GSG1L: variants seen among roughly 807,000 people sequenced by gnomAD.
GSG1L encodes the protein germ cell-specific gene 1-like protein.
GSG1L carries 24 observed loss-of-function variants against 42.1 expected under a neutral mutation model. The ratio of observed to expected loss-of-function variants is 0.57; its 90% CI spans 0.41 to 0.80. The LOEUF (loss-of-function observed/expected upper bound fraction) is 0.80. Ranked by LOEUF, GSG1L falls within the 30% of genes least tolerant of loss-of-function variation. GSG1L has a pLI of 0.00. For synonymous variants in GSG1L, 215 were observed against 203.5 expected, an observed-to-expected ratio of 1.06 and a Z score of -0.48; for missense variants, 445 against 472.2, an observed-to-expected ratio of 0.94 and a Z score of 0.53.
intron 1 of GSG1L, among the ~76,000 whole-genome samples, chr16:28,062,471 C>T (rs771994425): frequency 6.6e-6 from 1 of 152,194 alleles, no homozygotes; most frequent in Non-Finnish European, 1.5e-5. Context: ...GGCTCCCTGG[C>T]GTCTGGCAAT....
intron 1 of GSG1L, among the ~76,000 whole-genome samples, chr16:28,061,932 C>T (rs2086346384): frequency 6.6e-6 from 1 of 152,224 alleles, no homozygotes; most frequent in South Asian, 2.1e-4. Flanking sequence ...ACTGGGTTCG[C>T]TTCACAGCTT....
At position 27,884,430 on chromosome 16, in the gene GSG1L, G is replaced by A; in HGVS notation, c.550+56C>T. The A allele has an allele frequency of 6.5e-7, 1 of 1,542,902 alleles. No homozygotes were observed. The highest frequency in any genetic ancestry group is 8.8e-7 in the Non-Finnish European group (1 of 1,134,904). On this transcript the variant is annotated intron_variant, in intron 3 of 6. Transcript: ENST00000447459. This position sits in a 1 kb window ranked among gnomAD's most constrained non-coding sequence, Gnocchi z 4.4. ...TGGTACAACCAGGGCTTACTCCAAG[G>A]GCAGCACCCTTTCTCGCCTGTGCTC... is the stretch of plus-strand genomic sequence containing the variant.
At position 27,831,129 on chromosome 16, in the gene GSG1L, T is replaced by C. The variant is rs150285941; in HGVS notation, c.663-2173A>G. On this transcript the variant is annotated intron_variant, in intron 4 of 6. Coordinates refer to ENST00000447459, the MANE Select transcript of GSG1L (RefSeq NM_001109763.2). ...AACTCCTGGACTTGGCTGAAGCTAC[T>C]GGGAAACAAAGCTCATCTTTCTTCT... 7.2e-5 allele frequency among the ~76,000 whole-genome samples: 11 copies of C among 152,308 alleles called. No homozygotes were observed. In the East Asian group the frequency reaches 2.1e-3, roughly 29 times the overall value.
At chr16:27,914,600 T>C (rs911700688) in intron 2 of GSG1L, among the ~76,000 whole-genome samples, 1 of 150,888 alleles carries the variant, frequency 6.6e-6, no homozygotes, top group African/African-American at 2.4e-5. Context: ...CATGGCTCAC[T>C]GCAGCCTCGA....
intron 4 of GSG1L, among the ~76,000 whole-genome samples, chr16:27,837,360 G>C (rs2083332592): frequency 6.6e-6 from 1 of 151,894 alleles, no homozygotes. Context: ...AATTCAAGGT[G>C]AGATTTGTAC....
intron 2 of GSG1L, among the ~76,000 whole-genome samples, chr16:27,895,365 G>A (rs551646561): frequency 3.8e-4 from 58 of 152,100 alleles, no homozygotes; most frequent in African/African-American, 1.3e-3. Flanking sequence ...CCCTTCATGC[G>A]TCTTGCCGGG....
chr16:27,959,489 A>G (rs1439202651), intron 2 of GSG1L, among the ~76,000 whole-genome samples: 1 of 120,948 alleles, frequency 8.3e-6, no homozygotes, highest in Non-Finnish European at 1.7e-5. Flanking sequence ...AAGAGAGGAG[A>G]CGAGACAAGA....
intron 1 of GSG1L, among the ~76,000 whole-genome samples, chr16:27,997,856 C>CTTTTTTT (rs35354576): frequency 3.5e-5 from 3 of 85,100 alleles, no homozygotes; most frequent in Non-Finnish European, 6.5e-5. Flanking sequence ...ACCCTCTCCA[C>CTTTTTTT]TTTTTTTTTT....
rs571748065 is a variant in GSG1L, at chr16:27,957,577, A to G, written c.397+5579T>C. Reference sequence around the variant, plus strand: ...AATGAGAAATTATGCTACCCATCGAAGGTCTTGGGCTTGTAAGGGACAGAG... The same window carrying G: ...AATGAGAAATTATGCTACCCATCGAGGGTCTTGGGCTTGTAAGGGACAGAG... On this transcript the variant is annotated intron_variant, in intron 2 of 6. Transcript: ENST00000447459. 2.0e-5 allele frequency among the ~76,000 whole-genome samples: 3 copies of G among 152,272 alleles called. No homozygotes were observed. The South Asian group carries it at 6.2e-4, about 32-fold the overall frequency.
chr16:27,985,894 T>G (rs576492475), intron 1 of GSG1L, among the ~76,000 whole-genome samples: 6 of 152,240 alleles, frequency 3.9e-5, no homozygotes, highest in Admixed American at 1.3e-4. Context: ...ACACGACTCC[T>G]TGAGGAACAC....
At chr16:27,843,930 G>C (rs1305795839) in intron 4 of GSG1L, among the ~76,000 whole-genome samples, 1 of 152,172 alleles carries the variant, frequency 6.6e-6, no homozygotes, top group African/African-American at 2.4e-5. Context: ...TCTCCTACAA[G>C]GGAAGGAGAA....
At chr16:27,895,136 C>T (rs1596593917) in intron 2 of GSG1L, among the ~76,000 whole-genome samples, 1 of 152,290 alleles carries the variant, frequency 6.6e-6, no homozygotes, top group Middle Eastern at 3.4e-3. Flanking sequence ...ACAGAAATGT[C>T]TTGTTTGGCC....
chr16:27,939,874 C>A (rs1350416479), intron 2 of GSG1L, among the ~76,000 whole-genome samples: 1 of 151,866 alleles, frequency 6.6e-6, no homozygotes, highest in South Asian at 2.1e-4. Flanking sequence ...AGAGACAAGA[C>A]CTGGCTATGT....
At chr16:27,945,370 G>A (rs756147181) in intron 2 of GSG1L, among the ~76,000 whole-genome samples, 1 of 152,064 alleles carries the variant, frequency 6.6e-6, no homozygotes, top group Non-Finnish European at 1.5e-5. Context: ...GCCAGAGATG[G>A]GCCAGGGAGA....
chr16:27,944,448 C>G (rs1209670489), intron 2 of GSG1L, among the ~76,000 whole-genome samples: 4 of 151,862 alleles, frequency 2.6e-5, no homozygotes, highest in Non-Finnish European at 5.9e-5. Context: ...ACGGCAAAAC[C>G]CTGTCTCTAC....
At chr16:27,823,931 G>A (rs2083177672) in intron 5 of GSG1L, 5 of 702,780 alleles carry the variant, frequency 7.1e-6, no homozygotes, top group African/African-American at 3.5e-5. Flanking sequence ...AAATGGAGGT[G>A]ACAATAACAC....
chr16:27,852,737 G>A (rs1369854128), intron 3 of GSG1L, among the ~76,000 whole-genome samples: 1 of 152,154 alleles, frequency 6.6e-6, no homozygotes, highest in Non-Finnish European at 1.5e-5. Context: ...ACCCGGGGCA[G>A]GAATTGCAAC....
intron 5 of GSG1L, among the ~76,000 whole-genome samples, chr16:27,815,442 C>T (rs536970294): frequency 1.3e-5 from 2 of 152,344 alleles, no homozygotes; most frequent in East Asian, 3.9e-4. Flanking sequence ...CCTGCAGAAA[C>T]ACAAGCCACA....
At chr16:27,822,275 G>A (rs2083159047) in intron 5 of GSG1L, among the ~76,000 whole-genome samples, 1 of 152,212 alleles carries the variant, frequency 6.6e-6, no homozygotes, top group East Asian at 1.9e-4. Context: ...AAACTGCGAA[G>A]TTAATTCCAA....
Sources: gnomAD v4.1 joint callset for allele counts (sites outside exome capture counted in the v4.1 genomes callset) on GRCh38, gnomAD v4.1.1 for gene constraint, Gnocchi (gnomAD v3.1) non-coding constraint, MANE v1.5 for transcripts, NCBI Gene and HGNC (gene_info 2026-07-23, HGNC 2026-07-21) for gene names.